Variants in LY86 observed in about 807,000 individuals in gnomAD.
LY86 encodes MD-1, RP105-associated.
A neutral mutation model predicts 17.3 loss-of-function variants in LY86; 20 were observed. That is an observed-to-expected ratio of 1.15 (90% CI 0.81 to 1.68). The LOEUF (loss-of-function observed/expected upper bound fraction) is 1.68. Ranked by LOEUF, LY86 falls within the 40% of genes most tolerant of loss-of-function variation. The pLI, the probability that LY86 is intolerant of heterozygous loss-of-function variation, is 0.00. For synonymous variants in LY86, 74 were observed against 70.6 expected (o/e 1.05, Z -0.24); for missense variants, 200 against 191.9 (o/e 1.04, Z -0.25).
At chr6:6,648,765 G>GAAA (rs141102342) in intron 3 of LY86, among the ~76,000 whole-genome samples, 1,619 of 144,472 alleles carry the variant, frequency 0.011, 28 homozygotes, top group African/African-American at 0.039. Context: ...ACCCATCTTG[G>GAAA]AAAAAAGAAA....
chr6:6,649,917 T>A (rs9504882), intron 4 of LY86, among the ~76,000 whole-genome samples: 4,307 of 152,292 alleles, frequency 0.028, 146 homozygotes, highest in African/African-American at 0.081. Context: ...ATATTTTACA[T>A]GTCAGTGAAC....
At chr6:6,624,374 A>AATGGGATGGTATGGG (rs1761740962) in intron 1 of LY86, among the ~76,000 whole-genome samples, 1 of 101,726 alleles carries the variant, frequency 9.8e-6, no homozygotes, top group Non-Finnish European at 1.9e-5. Flanking sequence ...CATTACATTA[A>AATGGGATGGTATGGG]ATGGGATGGG....
intron 1 of LY86, among the ~76,000 whole-genome samples, chr6:6,612,146 T>C (rs371634737): frequency 2.2e-4 from 34 of 151,658 alleles, no homozygotes; most frequent in East Asian, 1.6e-3. Context: ...CTAAGATTGA[T>C]AGATGTGTCC....
At chr6:6,636,365 C>G (rs11964772) in intron 3 of LY86, among the ~76,000 whole-genome samples, 1 of 152,110 alleles carries the variant, frequency 6.6e-6, no homozygotes, top group Non-Finnish European at 1.5e-5. Flanking sequence ...TGGGATAATA[C>G]ACATATAGCC....
intron 1 of LY86, among the ~76,000 whole-genome samples, chr6:6,607,649 C>T (rs1206037564): frequency 6.6e-6 from 1 of 152,044 alleles, no homozygotes; most frequent in Non-Finnish European, 1.5e-5. Context: ...CCTGTAATCC[C>T]AGCACTTTGG....
chr6:6,652,767 G>A (rs908218328), intron 4 of LY86, among the ~76,000 whole-genome samples: 1 of 152,146 alleles, frequency 6.6e-6, no homozygotes, highest in Non-Finnish European at 1.5e-5. Context: ...CCTCCAGCCT[G>A]GCACGCTTGC....
chr6:6,625,853 T>C (rs1219113880), intron 2 of LY86, among the ~76,000 whole-genome samples: 1 of 152,170 alleles, frequency 6.6e-6, no homozygotes, highest in African/African-American at 2.4e-5. Context: ...GCCACCACCA[T>C]GGAACCCGCT....
At chr6:6,626,909 G>A (rs1023152479) in intron 3 of LY86, among the ~76,000 whole-genome samples, 4 of 152,000 alleles carry the variant, frequency 2.6e-5, no homozygotes, top group Non-Finnish European at 5.9e-5. Flanking sequence ...AGTTACACTC[G>A]AAGTAGAGAA....
chr6:6,625,975 G>C (rs1291961465), intron 2 of LY86, among the ~76,000 whole-genome samples: 2 of 152,198 alleles, frequency 1.3e-5, no homozygotes, highest in African/African-American at 2.4e-5. Flanking sequence ...CTATGCAACT[G>C]AGAAATTCCA....
chr6:6,594,893 T>C (rs1341427962), intron 1 of LY86, among the ~76,000 whole-genome samples: 1 of 152,188 alleles, frequency 6.6e-6, no homozygotes, highest in Admixed American at 6.6e-5. Context: ...GTAATATACC[T>C]GAGCCATGAT....
intron 3 of LY86, among the ~76,000 whole-genome samples, chr6:6,627,015 CA>C (rs1256916123): frequency 1.0e-3 from 158 of 152,268 alleles, no homozygotes; most frequent in African/African-American, 3.6e-3. Flanking sequence ...CACCTTCCCC[CA>C]CCTGTCCCCA....
At chr6:6,608,858 A>C (rs1012843042) in intron 1 of LY86, among the ~76,000 whole-genome samples, 6 of 152,232 alleles carry the variant, frequency 3.9e-5, no homozygotes, top group Non-Finnish European at 7.3e-5. Context: ...TCAACGGGTG[A>C]ACTCTTCTCC....
chr6:6,638,379 C>T (rs1761990493), intron 3 of LY86, among the ~76,000 whole-genome samples: 1 of 152,090 alleles, frequency 6.6e-6, no homozygotes, highest in Non-Finnish European at 1.5e-5. Flanking sequence ...AGTTTTATGT[C>T]GCATATATGG....
intron 1 of LY86, among the ~76,000 whole-genome samples, chr6:6,608,817 A>G (rs544928606): frequency 6.6e-6 from 1 of 152,374 alleles, no homozygotes; most frequent in South Asian, 2.1e-4. Flanking sequence ...ACTTGTGTGC[A>G]GGTCTGCGGG....
intron 1 of LY86, chr6:6,622,761 T>G (rs1761708778): frequency 6.6e-6 from 1 of 152,208 alleles, no homozygotes; most frequent in African/African-American, 2.4e-5. Context: ...AAATGTGAGC[T>G]CATAGCTAAG....
At chr6:6,615,038 A>T (rs936717896) in intron 1 of LY86, among the ~76,000 whole-genome samples, 1 of 152,246 alleles carries the variant, frequency 6.6e-6, no homozygotes, top group African/African-American at 2.4e-5. Flanking sequence ...TTCTTAGGAC[A>T]TCTATGAAGG....
intron 3 of LY86, 117 bp from the exon 4 acceptor site, chr6:6,649,493 ACATTTCTAGCAATAG>A: frequency 4.4e-6 from 2 of 454,066 alleles, no homozygotes; most frequent in Non-Finnish European, 7.6e-6. Flanking sequence ...GGAAATGAAA[ACATTTCTAGCAATAG>A]CTGCTCTTAT....
rs1760431104 is a variant in LY86 at position 6,588,765 on chromosome 6, T to A, written c.31T>A (p.Trp11Arg). 1 of 1,614,092 alleles carries A rather than the reference T, an allele frequency of 6.2e-7. No individual in the cohort carries two copies. Among genetic ancestry groups the A allele is most frequent in the Admixed American group, 1.7e-5 (1 of 60,014 alleles). The change falls in exon 1 of 5, where the codon TGG (tryptophan) becomes AGG (arginine). Residue 11 changes from tryptophan (W) to arginine (R), a missense_variant. Coordinates refer to ENST00000230568, the MANE Select transcript of LY86 (RefSeq NM_004271.4). ...GGGTTTCACAGCCACTCTCTTCCTCTGGACTCTGATTTTTCCCAGCTGCAG... is the reference window on the plus strand; with the variant it reads ...GGGTTTCACAGCCACTCTCTTCCTCAGGACTCTGATTTTTCCCAGCTGCAG... Reference protein sequence around the residue: MKGFTATLFLWTLIFPSCSGG... With the variant: MKGFTATLFLRTLIFPSCSGG...
At chr6:6,620,638 A>G (rs1761652031) in intron 1 of LY86, among the ~76,000 whole-genome samples, 1 of 152,224 alleles carries the variant, frequency 6.6e-6, no homozygotes, top group South Asian at 2.1e-4. Flanking sequence ...ATTCCAGTTG[A>G]AAGCCCACTG....
Sources: gnomAD v4.1 joint callset for allele counts (sites outside exome capture counted in the v4.1 genomes callset) on GRCh38, gnomAD v4.1.1 for gene constraint, MANE v1.5 for transcripts, NCBI Gene and HGNC (gene_info 2026-07-23, HGNC 2026-07-21) for gene names.